The following PXDN variants were observed in gnomAD, a reference collection of about 807,000 sequenced individuals.
The protein encoded by PXDN is peroxidasin.
PXDN carries 77 observed loss-of-function variants against 140.3 expected under a neutral mutation model. The observed-to-expected ratio is 0.55, with a 90% confidence interval of 0.46 to 0.66. PXDN has a LOEUF of 0.66. Among genes scored for constraint, PXDN ranks in the 30% least tolerant of loss-of-function variants. PXDN has a pLI of 0.00. For missense variants in PXDN, 1,838 were observed against 2,039.5 expected, an observed-to-expected ratio of 0.90 and a Z score of 1.90; for synonymous variants, 911 against 857.4, an observed-to-expected ratio of 1.06 and a Z score of -1.09.
intron 1 of PXDN, among the ~76,000 whole-genome samples, chr2:1,720,611 A>G (rs1306317007): frequency 3.1e-5 from 1 of 32,368 alleles, no homozygotes; most frequent in Non-Finnish European, 5.9e-5. Flanking sequence ...TCTCAGATAC[A>G]GCTCTCTCTG....
rs760339443 is a variant in PXDN at position 1,648,814 on chromosome 2, G to A, written c.2966C>T (p.Thr989Met). 8.7e-6 allele frequency: 14 copies of A among 1,602,818 alleles called. No individual in the cohort carries two copies. The highest frequency in any genetic ancestry group is 4.0e-5 in the African/African-American group (3 of 74,778). The change falls in exon 17 of 23, where the codon ACG becomes ATG. Residue 989 changes from threonine to methionine, a missense_variant. Transcript: ENST00000252804. This position sits in a 1 kb window ranked among gnomAD's most constrained non-coding sequence, Gnocchi z 8.9. Reference protein sequence around the residue: ...NEQLGLTSMHTLWFREHNRIA... With the variant: ...NEQLGLTSMHMLWFREHNRIA... ...GCGGTTGTGCTCGCGGAACCACAGC[G>A]TGTGCATGCTGGTCAGGCCCAGCTG...
chr2:1,713,549 C>T (rs1572185447), intron 1 of PXDN, among the ~76,000 whole-genome samples: 2 of 152,192 alleles, frequency 1.3e-5, no homozygotes, highest in African/African-American at 2.4e-5. Context: ...CCCTGGGGGC[C>T]GCCTCTCCCC....
chr2:1,721,713 G>A (rs985775737), intron 1 of PXDN, among the ~76,000 whole-genome samples: 3 of 152,164 alleles, frequency 2.0e-5, no homozygotes, highest in Admixed American at 2.0e-4. Context: ...TGTAGTCCCA[G>A]CTACTTGGGA....
chr2:1,728,481 G>C (rs369931822), intron 1 of PXDN, among the ~76,000 whole-genome samples: 30 of 152,330 alleles, frequency 2.0e-4, no homozygotes, highest in East Asian at 1.5e-3. Context: ...CTGCGGACAG[G>C]CGCAGAATGG....
chr2:1,683,982 T>G (rs1683984535), intron 5 of PXDN, 98 bp downstream of exon 5: 2 of 1,191,090 alleles, frequency 1.7e-6, no homozygotes, highest in Admixed American at 2.7e-5. Flanking sequence ...TTGAAACAGT[T>G]TTCAGGTGTT....
intron 1 of PXDN, among the ~76,000 whole-genome samples, chr2:1,742,879 G>A (rs1453848821): frequency 6.6e-6 from 1 of 152,216 alleles, no homozygotes; most frequent in Non-Finnish European, 1.5e-5. Flanking sequence ...GGGAGCCGTG[G>A]TCTGTCCCAG....
At chr2:1,724,614 C>T (rs1175287341) in intron 1 of PXDN, among the ~76,000 whole-genome samples, 4 of 152,106 alleles carry the variant, frequency 2.6e-5, no homozygotes, top group Non-Finnish European at 4.4e-5. Flanking sequence ...TACAAAGAGA[C>T]GACCCTTTCC....
intron 4 of PXDN, 55 bp from the exon 5 acceptor site, chr2:1,684,206 A>C: frequency 4.0e-6 from 6 of 1,487,324 alleles, no homozygotes; most frequent in Non-Finnish European, 4.6e-6. Flanking sequence ...TCTTAGATCC[A>C]GATTTTTGCC....
intron 1 of PXDN, among the ~76,000 whole-genome samples, chr2:1,710,919 A>G (rs1256746531): frequency 3.6e-4 from 22 of 61,234 alleles, no homozygotes; most frequent in Non-Finnish European, 4.9e-4. Context: ...ACCAGCACCC[A>G]CTCCACCAGC....
intron 1 of PXDN, among the ~76,000 whole-genome samples, chr2:1,721,926 T>C (rs1204710272): frequency 2.6e-5 from 4 of 152,196 alleles, no homozygotes; most frequent in African/African-American, 7.2e-5. Context: ...AAATAGTTAC[T>C]AAGAGACTCA....
In PXDN at chr2:1,653,658, G is replaced by A. The variant is rs762021847; in HGVS notation, c.2074C>T (p.His692Tyr). The A allele has an allele frequency of 6.2e-7, 1 of 1,612,746 alleles. No individual in the cohort carries two copies. The highest frequency in any genetic ancestry group is 8.5e-7 in the Non-Finnish European group (1 of 1,179,530). Residue 692 changes from histidine (H) to tyrosine (Y), a missense_variant, in exon 16 of 23, where the codon CAT (histidine) becomes TAT (tyrosine). Transcript: ENST00000252804. ...CCGTTGAGGTCGACCATCAAGCCAT[G>A]CTGTACATGCTCCTGAATGAGCTGC... ...TLQLIQEHVQ[H>Y]GLMVDLNGTS...
At chr2:1,665,475 T>C (rs1449596800) in intron 10 of PXDN, among the ~76,000 whole-genome samples, 1 of 152,220 alleles carries the variant, frequency 6.6e-6, no homozygotes, top group African/African-American at 2.4e-5. Context: ...GTGGTTATTA[T>C]CACTGGATGA....
In PXDN at chr2:1,665,064, C is replaced by A; in HGVS notation, c.1302G>T (p.Gln434His). The stretch of plus-strand genomic sequence containing the variant: ...CTCTGTCCTGAGGCGTCACAGTGAA[C>A]TGAGGAAGAGCTTCCGGAGAGAAAG... ...TAFIIVQALP[Q>H]FTVTPQDRVV... Residue 434 changes from glutamine (Q) to histidine (H), a missense_variant, in exon 11 of 23, where the codon CAG becomes CAT. Around this residue, in one of 5 missense-constraint regions of PXDN, gnomAD observed 537 missense variants for 583.9 expected, o/e 0.92. Transcript: ENST00000252804. The A allele has an allele frequency of 6.2e-7, 1 of 1,604,278 alleles. No homozygotes were observed. Among genetic ancestry groups the A allele is most frequent in the Non-Finnish European group, 8.5e-7 (1 of 1,173,636 alleles).
intron 1 of PXDN, among the ~76,000 whole-genome samples, chr2:1,696,759 C>T (rs1205396654): frequency 6.6e-6 from 1 of 152,192 alleles, no homozygotes; most frequent in East Asian, 1.9e-4. Context: ...ACTTACAACA[C>T]AGCTACATCT....
At chr2:1,721,176 C>T (rs377329980) in intron 1 of PXDN, among the ~76,000 whole-genome samples, 1 of 152,152 alleles carries the variant, frequency 6.6e-6, no homozygotes, top group African/African-American at 2.4e-5. Flanking sequence ...CCAGCCAAGT[C>T]GACATAAAAT....
intron 17 of PXDN, among the ~76,000 whole-genome samples, chr2:1,647,941 G>A (rs1304964154): frequency 6.6e-6 from 1 of 152,102 alleles, no homozygotes; most frequent in Non-Finnish European, 1.5e-5. Context: ...AAACAGGCCG[G>A]TGGAAGGGCC....
chr2:1,743,422 C>G (rs1175387101), intron 1 of PXDN, among the ~76,000 whole-genome samples: 1 of 152,144 alleles, frequency 6.6e-6, no homozygotes, highest in Non-Finnish European at 1.5e-5. Context: ...GGCCGCCCGG[C>G]TCGCTCCGGG....
At chr2:1,727,693 C>A (rs867158183) in intron 1 of PXDN, among the ~76,000 whole-genome samples, 3 of 152,220 alleles carry the variant, frequency 2.0e-5, no homozygotes, top group African/African-American at 4.8e-5. Flanking sequence ...CCCCTGCCCA[C>A]CAGACCCCCT....
chr2:1,738,112 C>T (rs1406627380), intron 1 of PXDN, among the ~76,000 whole-genome samples: 2 of 151,916 alleles, frequency 1.3e-5, no homozygotes, highest in African/African-American at 4.9e-5. Flanking sequence ...GCTATTTAAG[C>T]ATCAAACATG....
Sources: allele counts gnomAD v4.1 joint callset (sites outside exome capture counted in the v4.1 genomes callset), GRCh38; gene constraint gnomAD v4.1.1; regional missense constraint gnomAD v4.1.1; non-coding constraint Gnocchi (gnomAD v3.1); transcripts MANE v1.5; gene names NCBI Gene and HGNC (gene_info 2026-07-23, HGNC 2026-07-21).